The following SEC63 variants were observed in gnomAD, a reference collection of about 807,000 sequenced individuals.
SEC63 encodes translocation protein SEC63 homolog.
A neutral mutation model predicts 116.2 loss-of-function variants in SEC63; 56 were observed. The observed-to-expected ratio is 0.48, with a 90% confidence interval of 0.39 to 0.60. SEC63 has a LOEUF of 0.60. SEC63 is among the 20% of genes least tolerant of loss of function. The pLI is 0.00. For missense variants in SEC63, 668 were observed against 900.0 expected (o/e 0.74, Z 3.30); for synonymous variants, 273 against 294.6 (o/e 0.93, Z 0.75).
chr6:107,881,854 T>A (rs1486150390), intron 17 of SEC63, among the ~76,000 whole-genome samples: 1 of 152,220 alleles, frequency 6.6e-6, no homozygotes, highest in African/African-American at 2.4e-5. Context: ...CTTTGTATTA[T>A]CTTTAATCTT....
chr6:107,908,819 A>C, intron 8 of SEC63, 108 bp downstream of exon 8: 1 of 651,816 alleles, frequency 1.5e-6, no homozygotes, highest in Non-Finnish European at 2.7e-6. Flanking sequence ...ACTATTTATA[A>C]AACTGTACAA....
chr6:107,927,935 G>A (rs1198881737), intron 2 of SEC63, among the ~76,000 whole-genome samples: 1 of 151,812 alleles, frequency 6.6e-6, no homozygotes, highest in Non-Finnish European at 1.5e-5. Flanking sequence ...TATTTTTATT[G>A]CTTTTTTCCC....
intron 1 of SEC63, chr6:107,930,170 A>G (rs1315264571): frequency 1.6e-5 from 1 of 62,534 alleles, no homozygotes; most frequent in African/African-American, 6.5e-5. Context: ...TTTGCAAAGT[A>G]TTCTTTTTTT....
chr6:107,926,994 C>A (rs1032136900), intron 2 of SEC63, among the ~76,000 whole-genome samples: 1 of 152,056 alleles, frequency 6.6e-6, no homozygotes. Flanking sequence ...TTTTAAAAAA[C>A]CTGTTTGGTT....
At chr6:107,872,162 T>C (rs1345369958) in intron 20 of SEC63, among the ~76,000 whole-genome samples, 5 of 152,230 alleles carry the variant, frequency 3.3e-5, no homozygotes, top group African/African-American at 9.6e-5. Flanking sequence ...CTGAGTCATA[T>C]CTTAACAGAA....
intron 2 of SEC63, among the ~76,000 whole-genome samples, chr6:107,927,388 A>G (rs1025617620): frequency 1.3e-5 from 2 of 152,308 alleles, no homozygotes; most frequent in Non-Finnish European, 1.5e-5. Context: ...TTTAGAAGCA[A>G]CTTCCAAAAA....
intron 1 of SEC63, among the ~76,000 whole-genome samples, chr6:107,939,461 C>A (rs1770325779): frequency 6.6e-6 from 1 of 152,026 alleles, no homozygotes; most frequent in Non-Finnish European, 1.5e-5. Flanking sequence ...AACTAACCAA[C>A]CAAATTGAAC....
At chr6:107,909,836 T>C (rs1386252469) in intron 7 of SEC63, among the ~76,000 whole-genome samples, 2 of 152,236 alleles carry the variant, frequency 1.3e-5, no homozygotes, top group African/African-American at 2.4e-5. Context: ...AGACTCACTA[T>C]GTGACTAAAA....
At chr6:107,898,256 CAAAAA>C (rs10602741) in intron 13 of SEC63, among the ~76,000 whole-genome samples, 1 of 135,202 alleles carries the variant, frequency 7.4e-6, no homozygotes, top group Non-Finnish European at 1.6e-5. Context: ...GACCCCATCT[CAAAAA>C]AAAAAAAAAA....
intron 18 of SEC63, among the ~76,000 whole-genome samples, chr6:107,879,775 A>G (rs1460300148): frequency 7.2e-6 from 1 of 139,620 alleles, no homozygotes; most frequent in Non-Finnish European, 1.5e-5. Flanking sequence ...TCCAAGCTGG[A>G]GTTCAGTGGC....
In SEC63 at chr6:107,871,395, G is replaced by C. The variant is rs1786129698; in HGVS notation, c.*309C>G. 3.5e-6 allele frequency: 1 copy of C among 285,338 alleles called. No homozygotes were observed. The highest frequency in any genetic ancestry group is 6.7e-6 in the Non-Finnish European group (1 of 148,510). 17.7% of individuals were successfully genotyped at this position (285,338 alleles called of 1,614,324 possible). On this transcript the variant is annotated 3_prime_UTR_variant, in exon 21 of 21. Transcript: ENST00000369002. Reference sequence around the variant, plus strand: ...GTTTCCTGCATCTTTACTTTTACTGGGACCATAGACTGATCAGATAATACA... The same window carrying C: ...GTTTCCTGCATCTTTACTTTTACTGCGACCATAGACTGATCAGATAATACA...
chr6:107,946,357 C>T (rs906707197), intron 1 of SEC63, among the ~76,000 whole-genome samples: 16 of 152,002 alleles, frequency 1.1e-4, no homozygotes, highest in East Asian at 1.9e-4. Flanking sequence ...CTCAGCCTCT[C>T]GAGTAGCTGG....
chr6:107,953,287 T>C (rs899897383), intron 1 of SEC63, among the ~76,000 whole-genome samples: 11 of 152,230 alleles, frequency 7.2e-5, no homozygotes, highest in Non-Finnish European at 1.6e-4. Context: ...ATATATGCTG[T>C]TGTGTTTCCC....
intron 1 of SEC63, among the ~76,000 whole-genome samples, chr6:107,947,271 T>C (rs1770497250): frequency 6.6e-6 from 1 of 152,086 alleles, no homozygotes; most frequent in Admixed American, 6.5e-5. Flanking sequence ...CACTCCAGCC[T>C]GGGTGACAGA....
chr6:107,919,693 G>A (rs528515584), intron 4 of SEC63, among the ~76,000 whole-genome samples: 2 of 152,012 alleles, frequency 1.3e-5, no homozygotes, highest in African/African-American at 2.4e-5. Flanking sequence ...ATGTTGGCGG[G>A]TGCCTGTAGT....
intron 11 of SEC63, among the ~76,000 whole-genome samples, chr6:107,903,296 C>G (rs1169570629): frequency 6.6e-6 from 1 of 151,986 alleles, no homozygotes; most frequent in Non-Finnish European, 1.5e-5. Flanking sequence ...TGACAAGAAC[C>G]AACATCACCC....
At chr6:107,913,106 T>C (rs187225540) in intron 5 of SEC63, among the ~76,000 whole-genome samples, 4 of 152,256 alleles carry the variant, frequency 2.6e-5, no homozygotes, top group Non-Finnish European at 4.4e-5. Context: ...AAAAATAAGA[T>C]TTTTTCCTCC....
rs79197817 is a variant in SEC63, at chr6:107,886,880, T to C, written c.1675-3734A>G. Reference sequence around the variant, plus strand: ...TTTTTTTTGCTGTGCAGAAGCTCTTTAGTTCAATCAGATCCCATCTGTCTA... The same window carrying C: ...TTTTTTTTGCTGTGCAGAAGCTCTTCAGTTCAATCAGATCCCATCTGTCTA... On this transcript the variant is annotated intron_variant, in intron 16 of 20. Coordinates refer to ENST00000369002, the MANE Select transcript of SEC63 (RefSeq NM_007214.5). 7.7e-3 allele frequency among the ~76,000 whole-genome samples: 1,167 copies of C among 151,566 alleles called. 78 individuals are homozygous for C. In the East Asian group the frequency reaches 0.15, roughly 20 times the overall value.
intron 8 of SEC63, among the ~76,000 whole-genome samples, chr6:107,907,381 A>C (rs2114451325): frequency 6.6e-6 from 1 of 152,208 alleles, no homozygotes; most frequent in Admixed American, 6.5e-5. Flanking sequence ...AGCCAGTTTG[A>C]GACCAAGCTG....
Sources: gnomAD v4.1 joint callset for allele counts (sites outside exome capture counted in the v4.1 genomes callset) on GRCh38, gnomAD v4.1.1 for gene constraint, MANE v1.5 for transcripts, NCBI Gene and HGNC (gene_info 2026-07-23, HGNC 2026-07-21) for gene names.